HTR4: variants seen among roughly 807,000 people sequenced by gnomAD.
HTR4 encodes the protein 5-hydroxytryptamine (serotonin) receptor 4, G protein-coupled.
A neutral mutation model predicts 36.8 loss-of-function variants in HTR4; 16 were observed. That is an observed-to-expected ratio of 0.43 (90% CI 0.29 to 0.66). The LOEUF (loss-of-function observed/expected upper bound fraction) is 0.66. Among genes scored for constraint, HTR4 ranks in the 30% least tolerant of loss-of-function variants. HTR4 has a pLI of 0.13. For synonymous variants in HTR4, 189 were observed against 185.1 expected (o/e 1.02, Z -0.17); for missense variants, 438 against 490.9 (o/e 0.89, Z 1.02).
At chr5:148,557,479 G>GATGT (rs1278429786) in intron 2 of HTR4, among the ~76,000 whole-genome samples, 3 of 152,134 alleles carry the variant, frequency 2.0e-5, no homozygotes, top group African/African-American at 7.2e-5. Flanking sequence ...TAGGCAATTG[G>GATGT]ATGTATGTGT....
chr5:148,486,256 C>T (rs574946940), intron 6 of HTR4, among the ~76,000 whole-genome samples: 25 of 152,236 alleles, frequency 1.6e-4, no homozygotes, highest in Admixed American at 6.5e-4. Context: ...GTGTCATCTG[C>T]CTTTTAGGCC....
At chr5:148,481,342 A>T, downstream of HTR4, 1 of 557,688 alleles carries the variant, frequency 1.8e-6, no homozygotes, top group South Asian at 2.7e-5. Flanking sequence ...CTTTCTTCAT[A>T]TGTGACAAGA....
intron 1 of HTR4, among the ~76,000 whole-genome samples, chr5:148,638,548 T>A (rs1581578396): frequency 6.6e-6 from 1 of 152,152 alleles, no homozygotes; most frequent in East Asian, 1.9e-4. Context: ...CTTTCCCAGG[T>A]GTAGACAGTG....
At chr5:148,609,438 C>A (rs1033991327) in intron 2 of HTR4, among the ~76,000 whole-genome samples, 2 of 152,014 alleles carry the variant, frequency 1.3e-5, no homozygotes, top group African/African-American at 4.8e-5. Flanking sequence ...ATCATGGCTC[C>A]CCAAAATATA....
intron 2 of HTR4, among the ~76,000 whole-genome samples, chr5:148,571,515 C>T (rs114922740): frequency 0.022 from 3,355 of 151,994 alleles, 74 homozygotes; most frequent in South Asian, 0.098. Flanking sequence ...TGTATAGATA[C>T]GTTAGATTAC....
At chr5:148,528,627 G>A (rs182394495) in intron 4 of HTR4, among the ~76,000 whole-genome samples, 106 of 152,170 alleles carry the variant, frequency 7.0e-4, no homozygotes, top group African/African-American at 2.4e-3. Flanking sequence ...TTTAATATTT[G>A]TCTGTAGATA....
rs183444651 is a variant in HTR4 at position 148,555,195 on chromosome 5, A to G, written c.27-4933T>C. On this transcript the variant is annotated intron_variant, in intron 2 of 6. Coordinates refer to ENST00000377888, the MANE Select transcript of HTR4 (RefSeq NM_000870.7). ...TTTGTCTATGGACTGTGATTTAAAC[A>G]TATCCTTATAACATGAATTCTCCAT... Among the ~76,000 whole-genome samples, 19 of 152,256 alleles carry G rather than the reference A, an allele frequency of 1.2e-4. No homozygotes were observed. In the East Asian group the frequency reaches 1.9e-3, roughly 15 times the overall value.
At chr5:148,630,050 A>G (rs538651695) in intron 2 of HTR4, 1 of 152,278 alleles carries the variant, frequency 6.6e-6, no homozygotes, top group African/African-American at 2.4e-5. Flanking sequence ...AAATGTGGCA[A>G]TGGTTGTGCC....
At chr5:148,505,331 G>A (rs546145644) in intron 6 of HTR4, among the ~76,000 whole-genome samples, 1 of 152,206 alleles carries the variant, frequency 6.6e-6, no homozygotes, top group African/African-American at 2.4e-5. Flanking sequence ...AGCCCTTCAT[G>A]GTAAAAACTC....
At chr5:148,532,618 A>G (rs953769321) in intron 4 of HTR4, among the ~76,000 whole-genome samples, 11 of 152,224 alleles carry the variant, frequency 7.2e-5, no homozygotes, top group African/African-American at 2.4e-4. Context: ...TAGGTGCTGT[A>G]GACAGCATGG....
At chr5:148,484,286 A>G (rs1756042110) in intron 6 of HTR4, 1 of 1,613,576 alleles carries the variant, frequency 6.2e-7, no homozygotes, top group Non-Finnish European at 8.5e-7. Context: ...TTGCAGTCAA[A>G]CATCTAATGC....
intron 5 of HTR4, among the ~76,000 whole-genome samples, chr5:148,463,292 C>T (rs1022798906): frequency 5.4e-5 from 8 of 149,048 alleles, no homozygotes; most frequent in Middle Eastern, 3.4e-3. Flanking sequence ...CTTGCCTCAG[C>T]CTCCCAAGTA....
intron 1 of HTR4, chr5:148,645,858 T>C (rs1436998223): frequency 6.6e-6 from 1 of 152,214 alleles, no homozygotes. Context: ...CTTTGGGATG[T>C]GGCTACAGAA....
At chr5:148,478,504 T>C (rs1755770956), downstream of HTR4, among the ~76,000 whole-genome samples, 1 of 152,088 alleles carries the variant, frequency 6.6e-6, no homozygotes, top group Non-Finnish European at 1.5e-5. Context: ...GAGGAAATGA[T>C]TGTCACCTGG....
chr5:148,504,979 T>C (rs1260723943), intron 6 of HTR4, among the ~76,000 whole-genome samples: 7 of 151,990 alleles, frequency 4.6e-5, no homozygotes, highest in South Asian at 2.1e-4. Flanking sequence ...CAATAACAGG[T>C]TCTGAAATTG....
At chr5:148,539,988 C>T (rs981181931) in intron 4 of HTR4, among the ~76,000 whole-genome samples, 7 of 151,738 alleles carry the variant, frequency 4.6e-5, no homozygotes, top group Non-Finnish European at 1.0e-4. Context: ...CATGAATGAC[C>T]GATTAGATAA....
intron 6 of HTR4, among the ~76,000 whole-genome samples, chr5:148,484,774 GA>G (rs796470176): frequency 5.5e-4 from 84 of 152,224 alleles, no homozygotes; most frequent in African/African-American, 1.9e-3. Flanking sequence ...ACATAGCTCT[GA>G]ACATAGCTTT....
chr5:148,604,231 G>A (rs1382333074), intron 2 of HTR4, among the ~76,000 whole-genome samples: 3 of 152,068 alleles, frequency 2.0e-5, no homozygotes, highest in Non-Finnish European at 4.4e-5. Flanking sequence ...TCAAAAGAGT[G>A]GGAGAATATA....
At chr5:148,596,392 T>C (rs1213110300) in intron 2 of HTR4, among the ~76,000 whole-genome samples, 1 of 152,170 alleles carries the variant, frequency 6.6e-6, no homozygotes, top group Non-Finnish European at 1.5e-5. Context: ...CATTGTTTAT[T>C]CTTTAAAGTT....
Sources: gnomAD v4.1 joint callset for allele counts (sites outside exome capture counted in the v4.1 genomes callset) on GRCh38, gnomAD v4.1.1 for gene constraint, MANE v1.5 for transcripts, NCBI Gene and HGNC (gene_info 2026-07-23, HGNC 2026-07-21) for gene names.